Variants in C1orf50 observed in about 807,000 individuals in gnomAD.
C1orf50 encodes the protein uncharacterized protein C1orf50.
A neutral mutation model predicts 23.3 loss-of-function variants in C1orf50; 22 were observed. The ratio of observed to expected loss-of-function variants is 0.94; its 90% CI spans 0.67 to 1.35. The LOEUF is 1.35. C1orf50 is among the 40% of genes most tolerant of loss of function. The pLI is 0.00. For missense variants in C1orf50, 271 were observed against 249.4 expected, an observed-to-expected ratio of 1.09 and a Z score of -0.58; for synonymous variants, 96 against 102.4, an observed-to-expected ratio of 0.94 and a Z score of 0.38.
chr1:42,774,635 T>A (rs1361072755), intron 3 of C1orf50, 102 bp from the exon 4 acceptor site: 1 of 1,300,570 alleles, frequency 7.7e-7, no homozygotes, highest in Non-Finnish European at 1.1e-6. Context: ...GGGAGCAAGA[T>A]CCTAAGCACT....
chr1:42,770,470 T>G (rs1270690066), intron 2 of C1orf50, among the ~76,000 whole-genome samples: 1 of 151,864 alleles, frequency 6.6e-6, no homozygotes, highest in African/African-American at 2.4e-5. Flanking sequence ...TTCGCTCTTG[T>G]TGCCCAGGCT....
chr1:42,779,290 T>G lies in C1orf50; in HGVS notation c.*3896T>G, dbSNP rs930145818. On this transcript the variant is annotated 3_prime_UTR_variant, in exon 5 of 5. Transcript: ENST00000372525. ...TACTCGGGAGGCTGAGGCAGGAGAA[T>G]GTCGTGAACCTGGGAGGCGAAGCTT... 1 of 150,530 alleles carries G rather than the reference T, an allele frequency of 6.6e-6. No homozygotes were observed. Among genetic ancestry groups the G allele is most frequent in the Non-Finnish European group, 1.5e-5 (1 of 67,852 alleles). 9.3% of individuals were successfully genotyped at this position (150,530 alleles called of 1,614,324 possible). A position where few individuals can be genotyped will look rare whatever the true frequency, so the allele number is the denominator to read the frequency against.
chr1:42,773,415 A>T (rs1653264924), intron 2 of C1orf50, 148 bp from the exon 3 acceptor site: 2 of 538,260 alleles, frequency 3.7e-6, no homozygotes, highest in Non-Finnish European at 6.8e-6. Flanking sequence ...GGGGCCTCGG[A>T]TGAGTGGGAG....
Position 42,767,366 on chromosome 1 carries a change from G to C in C1orf50, c.55G>C (p.Ala19Pro). 2 of 1,539,268 alleles carry C rather than the reference G, an allele frequency of 1.3e-6. No individual in the cohort carries two copies. The highest frequency in any genetic ancestry group is 1.7e-6 in the Non-Finnish European group (2 of 1,147,110). ...CGAGGGGGTCCTTGAAAGGCAAGGA[G>C]CGCCGCCAGCTGCAGGCCAGGGAGG... ...RTEGVLERQGAPPAAGQGGAL... is the reference protein window; with the variant it reads ...RTEGVLERQGPPPAAGQGGAL... The change falls in exon 1 of 5, where the codon GCG becomes CCG. Residue 19 changes from alanine to proline, a missense_variant. Ala to Pro is a conservative substitution (Grantham distance 27, BLOSUM62 -1). Transcript: ENST00000372525.
In C1orf50 at chr1:42,775,005, C is replaced by G. The variant is rs560479215; in HGVS notation, c.414+137C>G. On this transcript the variant is annotated intron_variant, in intron 4 of 4. Transcript: ENST00000372525. ...GGGTGATGTGAGCCCAGACATGACT[C>G]TAAAAAATATACCTGTGCTTAAATT... The G allele has an allele frequency of 7.8e-6, 9 of 1,158,982 alleles. 1 individual carries two copies. In the South Asian group the frequency reaches 9.5e-5, roughly 12 times the overall value. 71.8% of individuals were successfully genotyped at this position (1,158,982 alleles called of 1,614,324 possible). A position where few individuals can be genotyped will look rare whatever the true frequency, so the allele number is the denominator to read the frequency against.
rs1016124218 is a variant in C1orf50 at position 42,776,684 on chromosome 1, C to T, written c.*1290C>T. Reference sequence around the variant, plus strand: ...CTCACTCCGATGATACTTGGTTGCTCGGTTCACATGGGAATGCTCTTTGGA... The same window carrying T: ...CTCACTCCGATGATACTTGGTTGCTTGGTTCACATGGGAATGCTCTTTGGA... On this transcript the variant is annotated 3_prime_UTR_variant, in exon 5 of 5. Transcript: ENST00000372525. The T allele has an allele frequency of 1.3e-5, 2 of 152,190 alleles. No homozygotes were observed. The highest frequency in any genetic ancestry group is 6.5e-5 in the Admixed American group (1 of 15,282). The allele number at this position is 152,190 out of a possible 1,614,324, so 9.4% of individuals were successfully genotyped here. A position where few individuals can be genotyped will look rare whatever the true frequency, so the allele number is the denominator to read the frequency against.
intron 2 of C1orf50, among the ~76,000 whole-genome samples, chr1:42,771,558 A>G (rs1205238638): frequency 6.6e-6 from 1 of 152,258 alleles, no homozygotes; most frequent in Non-Finnish European, 1.5e-5. Flanking sequence ...AATGCAAAAT[A>G]TGGATTAGAC....
At position 42,769,388 on chromosome 1, in the gene C1orf50, A is replaced by G. The variant is rs577033506; in HGVS notation, c.195+1764A>G. 2.0e-5 allele frequency among the ~76,000 whole-genome samples: 3 copies of G among 151,294 alleles called. No homozygotes were observed. The South Asian group carries it at 6.3e-4, about 32-fold the overall frequency. On this transcript the variant is annotated intron_variant, in intron 2 of 4. Transcript: ENST00000372525. ...TGTGAAACCCTGTCTCTACTAAAAT[A>G]CAAAAAATTAGCCGGGCATGGTGGT... is the stretch of plus-strand genomic sequence containing the variant.
chr1:42,770,244 C>G (rs1653187352), intron 2 of C1orf50, among the ~76,000 whole-genome samples: 1 of 151,922 alleles, frequency 6.6e-6, no homozygotes, highest in African/African-American at 2.4e-5. Context: ...TTTTGGACCT[C>G]AGACTAATCC....
Position 42,774,832 on chromosome 1 carries a change from G to C in C1orf50, c.378G>C (p.Glu126Asp). The change falls in exon 4 of 5, where the codon GAG (glutamate) becomes GAC (aspartate). Residue 126 changes from glutamate (E) to aspartate (D), a missense_variant. Transcript: ENST00000372525. ...PGNIYYLYKR[E>D]SGQQYFSIIS... ...ACATTTACTATCTCTATAAACGGGA[G>C]AGTGGTCAGCAGTATTTTTCCATCA... is the stretch of plus-strand genomic sequence containing the variant. 3 of 1,613,354 alleles carry C rather than the reference G, an allele frequency of 1.9e-6. No homozygotes were observed. Among genetic ancestry groups the C allele is most frequent in the Admixed American group, 3.3e-5 (2 of 60,018 alleles).
Position 42,772,749 on chromosome 1 carries a change from G to A in C1orf50, c.196-814G>A, listed in dbSNP as rs1335764290. Reference sequence around the variant, plus strand: ...TGAGCCAAGATTGCGCCATTGCACTGCAGCCTGGACAATAAGAACGAAAAC... The same window carrying A: ...TGAGCCAAGATTGCGCCATTGCACTACAGCCTGGACAATAAGAACGAAAAC... On this transcript the variant is annotated intron_variant, in intron 2 of 4. Coordinates refer to ENST00000372525, the MANE Select transcript of C1orf50 (RefSeq NM_024097.4). Among the ~76,000 whole-genome samples the A allele has an allele frequency of 2.0e-5, 3 of 150,810 alleles. No homozygotes were observed. The East Asian group carries it at 5.9e-4, about 29-fold the overall frequency.
Position 42,773,566 on chromosome 1 carries a change from G to A in C1orf50, c.199G>A (p.Asp67Asn). The A allele has an allele frequency of 6.2e-7, 1 of 1,607,130 alleles. No individual in the cohort carries two copies. The highest frequency in any genetic ancestry group is 8.5e-7 in the Non-Finnish European group (1 of 1,174,130). The change falls in exon 3 of 5, where the codon GAT (aspartate) becomes AAT (asparagine). Residue 67 changes from aspartate to asparagine, a missense_variant. Coordinates refer to ENST00000372525, the MANE Select transcript of C1orf50 (RefSeq NM_024097.4). ...TTTAGTTTTTTCTCACCTGTAGGCT[G>A]ATGAATTCATCCGAGCAAATGCCAC... Reference protein sequence around the residue: ...VALAEQVQKADEFIRANATNK... With the variant: ...VALAEQVQKANEFIRANATNK...
chr1:42,767,657 A>T, intron 2 of C1orf50, 33 bp downstream of exon 2: 1 of 1,556,438 alleles, frequency 6.4e-7, no homozygotes, highest in South Asian at 1.2e-5. Context: ...GCGAATAACC[A>T]TCTTCGTTCA....
At position 42,776,513 on chromosome 1, in the gene C1orf50, A is replaced by AATGATG. The variant is rs1300940018; in HGVS notation, c.*1120_*1125dup. Reference sequence around the variant, plus strand: ...ACAATTGGCCAAATTTCTCTCTGGGAATGATGTTCCTGATGCTGATCTGTT... The same window carrying AATGATG: ...ACAATTGGCCAAATTTCTCTCTGGGAATGATGATGATGTTCCTGATGCTGATCTGTT... On this transcript the variant is annotated 3_prime_UTR_variant, in exon 5 of 5. Coordinates refer to ENST00000372525, the MANE Select transcript of C1orf50 (RefSeq NM_024097.4). 6.6e-6 allele frequency: 1 copy of AATGATG among 152,214 alleles called. No individual in the cohort carries two copies. Among genetic ancestry groups the AATGATG allele is most frequent in the Non-Finnish European group, 1.5e-5 (1 of 68,092 alleles). 9.4% of individuals were successfully genotyped at this position (152,214 alleles called of 1,614,324 possible). A position where few individuals can be genotyped will look rare whatever the true frequency, so the allele number is the denominator to read the frequency against.
chr1:42,771,670 ATATAT>A (rs1193251068), intron 2 of C1orf50, among the ~76,000 whole-genome samples: 2 of 152,200 alleles, frequency 1.3e-5, no homozygotes, highest in Non-Finnish European at 2.9e-5. Context: ...AATGTTTTTG[ATATAT>A]TAGGTTAAGT....
chr1:42,770,816 GTTCTACACAT>G (rs1204062030), intron 2 of C1orf50, among the ~76,000 whole-genome samples: 1 of 152,070 alleles, frequency 6.6e-6, no homozygotes, highest in Non-Finnish European at 1.5e-5. Flanking sequence ...TTTAAACCCT[GTTCTACACAT>G]TGCCCATCAC....
intron 2 of C1orf50, among the ~76,000 whole-genome samples, chr1:42,770,376 T>G (rs1352268705): frequency 6.6e-6 from 1 of 152,108 alleles, no homozygotes; most frequent in Non-Finnish European, 1.5e-5. Flanking sequence ...TGGAACTACC[T>G]TAGCTCTAGA....
At chr1:42,771,361 C>T (rs1375536569) in intron 2 of C1orf50, among the ~76,000 whole-genome samples, 1 of 151,998 alleles carries the variant, frequency 6.6e-6, no homozygotes, top group Non-Finnish European at 1.5e-5. Flanking sequence ...TTTAAAAAAC[C>T]TGATAATTAC....
At position 42,775,361 on chromosome 1, in the gene C1orf50, C is replaced by T; in HGVS notation, c.567C>T (p.Cys189=). 6.2e-7 allele frequency: 1 copy of T among 1,604,026 alleles called. No homozygotes were observed. Residue 189 remains cysteine, a synonymous_variant, in exon 5 of 5, where the codon TGC becomes TGT. Transcript: ENST00000372525. ...GCCAGTCAGTGGCCCTGCCTCCGTG[C>T]ACTGAACCCAACTTCCAGGGACTGA... The part of the protein sequence containing the change: ...LLSQSVALPP[C]TEPNFQGLTH
Sources: allele counts gnomAD v4.1 joint callset (sites outside exome capture counted in the v4.1 genomes callset), GRCh38; gene constraint gnomAD v4.1.1; transcripts MANE v1.5; gene names NCBI Gene and HGNC (gene_info 2026-07-23, HGNC 2026-07-21).